LNPEP: variants seen among roughly 807,000 people sequenced by gnomAD.
LNPEP encodes leucyl and cystinyl aminopeptidase, also known as leucyl-cystinyl aminopeptidase.
A neutral mutation model predicts 120.6 loss-of-function variants in LNPEP; 64 were observed. That is an observed-to-expected ratio of 0.53 (90% CI 0.43 to 0.65). The LOEUF (loss-of-function observed/expected upper bound fraction) is 0.65. LNPEP is among the 30% of genes least tolerant of loss of function. The pLI, the probability that LNPEP is intolerant of heterozygous loss-of-function variation, is 0.00. For synonymous variants in LNPEP, 435 were observed against 425.4 expected (o/e 1.02, Z -0.28); for missense variants, 1,057 against 1,200.0 (o/e 0.88, Z 1.76).
intron 1 of LNPEP, among the ~76,000 whole-genome samples, chr5:96,975,624 T>C (rs1303494270): frequency 2.0e-5 from 3 of 152,126 alleles, no homozygotes; most frequent in Non-Finnish European, 4.4e-5. Context: ...TTTTTTTAAT[T>C]TTTAATCTGT....
chr5:96,942,021 G>T (rs944538555), intron 1 of LNPEP, among the ~76,000 whole-genome samples: 1 of 152,160 alleles, frequency 6.6e-6, no homozygotes, highest in Non-Finnish European at 1.5e-5. Context: ...AGGTAGGTAG[G>T]TCTGGTTGGA....
In LNPEP at chr5:97,033,306, G is replaced by A. The variant is rs759765963; in HGVS notation, c.*4773G>A. ...ATTTGAGGTGAGGGGGAGGGACGGG[G>A]AAGGTAGGAAAATGCACTTAATGTA... On this transcript the variant is annotated 3_prime_UTR_variant, in exon 18 of 18. Coordinates refer to ENST00000231368, the MANE Select transcript of LNPEP (RefSeq NM_005575.3). 1.3e-5 allele frequency: 2 copies of A among 152,140 alleles called. No homozygotes were observed. Among genetic ancestry groups the A allele is most frequent in the Non-Finnish European group, 2.9e-5 (2 of 68,028 alleles). The allele number at this position is 152,140 out of a possible 1,614,324, so 9.4% of individuals were successfully genotyped here.
At chr5:97,015,711 T>C (rs920639607) in intron 13 of LNPEP, among the ~76,000 whole-genome samples, 1 of 152,134 alleles carries the variant, frequency 6.6e-6, no homozygotes, top group Non-Finnish European at 1.5e-5. Context: ...TTTTATCTAA[T>C]TCTCTGAATC....
chr5:96,943,661 A>G (rs1789114171), intron 1 of LNPEP, among the ~76,000 whole-genome samples: 1 of 152,240 alleles, frequency 6.6e-6, no homozygotes, highest in South Asian at 2.1e-4. Flanking sequence ...CAATGAACCA[A>G]TTAATTTTTT....
intron 12 of LNPEP, 94 bp downstream of exon 12, chr5:97,013,925 T>G: frequency 1.1e-6 from 1 of 905,534 alleles, no homozygotes; most frequent in South Asian, 2.0e-5. Context: ...AGAACTAGCA[T>G]GTATTGGTTG....
chr5:97,022,301 C>T lies in LNPEP; in HGVS notation c.2378C>T (p.Thr793Ile), dbSNP rs1791221827. The T allele has an allele frequency of 3.2e-6, 5 of 1,568,162 alleles. No individual in the cohort carries two copies. In the East Asian group the frequency reaches 1.1e-4, roughly 35 times the overall value. The change falls in exon 14 of 18, where the codon ACT (threonine) becomes ATT (isoleucine). Residue 793 changes from threonine to isoleucine, a missense_variant and splice_region_variant. Physicochemically the swap from Thr to Ile is moderately conservative, Grantham distance 89. Coordinates refer to ENST00000231368, the MANE Select transcript of LNPEP (RefSeq NM_005575.3). ...GYMDLASRLV[T>I]RVFKLLQNQI... is the part of the protein sequence containing the mutation. ...TTATAATCTATTTTGTCTCTCTAGA[C>T]TAGGGTATTTAAATTACTTCAAAAC...
At chr5:97,021,971 G>T (rs1374752113) in intron 13 of LNPEP, among the ~76,000 whole-genome samples, 1 of 104,630 alleles carries the variant, frequency 9.6e-6, no homozygotes, top group African/African-American at 3.8e-5. Context: ...TTGCTCTGTT[G>T]CCCAGACTGG....
At chr5:97,010,493 T>C in intron 11 of LNPEP, 1 of 985,258 alleles carries the variant, frequency 1.0e-6, no homozygotes, top group Non-Finnish European at 1.2e-6. Flanking sequence ...TGAACAGGAG[T>C]GATAAAGTTC....
At chr5:97,013,901 A>G (rs1194232585) in intron 12 of LNPEP, 70 bp downstream of exon 12, 29 of 1,168,838 alleles carry the variant, frequency 2.5e-5, no homozygotes, top group Non-Finnish European at 4.8e-6. Flanking sequence ...AACATATATG[A>G]AAAACAGTTT....
At chr5:97,008,293 C>CTG (rs1790834315) in intron 11 of LNPEP, among the ~76,000 whole-genome samples, 1 of 125,176 alleles carries the variant, frequency 8.0e-6, no homozygotes, top group South Asian at 2.5e-4. Context: ...CTTTTATTAT[C>CTG]TGTTTTTTGT....
chr5:96,940,426 C>T (rs1789023727), intron 1 of LNPEP, among the ~76,000 whole-genome samples: 1 of 150,938 alleles, frequency 6.6e-6, no homozygotes, highest in Admixed American at 6.6e-5. Context: ...AGATTTTCTG[C>T]TAGACACAGT....
In LNPEP at chr5:97,036,709, T is replaced by C. The variant is rs1053589641; in HGVS notation, c.*8176T>C. 6.6e-6 allele frequency: 1 copy of C among 152,160 alleles called. No homozygotes were observed. Among genetic ancestry groups the C allele is most frequent in the Non-Finnish European group, 1.5e-5 (1 of 68,016 alleles). The allele number at this position is 152,160 out of a possible 1,614,324, so 9.4% of individuals were successfully genotyped here. On this transcript the variant is annotated 3_prime_UTR_variant, in exon 18 of 18. Coordinates refer to ENST00000231368, the MANE Select transcript of LNPEP (RefSeq NM_005575.3). The stretch of plus-strand genomic sequence containing the variant: ...TTACTATTTTGGAAACATTGAGTGA[T>C]AGAACTCCTAGAAAATTTGCAAAGA...
At chr5:96,950,792 G>A (rs986012571) in intron 1 of LNPEP, among the ~76,000 whole-genome samples, 10 of 152,072 alleles carry the variant, frequency 6.6e-5, no homozygotes, top group African/African-American at 2.2e-4. Flanking sequence ...TATTGTGTGC[G>A]GTACTATGAA....
Position 97,027,696 on chromosome 5 carries a change from G to C in LNPEP, c.2865-37G>C, listed in dbSNP as rs746997855. 5 of 1,281,692 alleles carry C rather than the reference G, an allele frequency of 3.9e-6. No individual in the cohort carries two copies. The South Asian group carries it at 6.0e-5, about 15-fold the overall frequency. 79.4% of individuals were successfully genotyped at this position (1,281,692 alleles called of 1,614,324 possible). A position where few individuals can be genotyped will look rare whatever the true frequency, so the allele number is the denominator to read the frequency against. ...CAGGAACAACGCTTTACCAGCAGCT[G>C]CCTAATCTTTTTGCTCTTGTTTTTG... is the stretch of plus-strand genomic sequence containing the variant. On this transcript the variant is annotated intron_variant, in intron 16 of 17. Coordinates refer to ENST00000231368, the MANE Select transcript of LNPEP (RefSeq NM_005575.3).
chr5:96,953,585 G>C (rs549338078), intron 1 of LNPEP, among the ~76,000 whole-genome samples: 1 of 152,326 alleles, frequency 6.6e-6, no homozygotes, highest in Non-Finnish European at 1.5e-5. Flanking sequence ...CTCCCTGCAT[G>C]TTGGCTTCCC....
intron 4 of LNPEP, among the ~76,000 whole-genome samples, chr5:96,990,120 A>G (rs1226626862): frequency 6.6e-6 from 1 of 152,246 alleles, no homozygotes; most frequent in Non-Finnish European, 1.5e-5. Context: ...GGTACAGCTA[A>G]TAAAGACTTG....
At chr5:97,026,120 ATAGCATTG>A (rs2112674229) in intron 15 of LNPEP, among the ~76,000 whole-genome samples, 1 of 152,336 alleles carries the variant, frequency 6.6e-6, no homozygotes, top group East Asian at 1.9e-4. Flanking sequence ...TACCTACTTT[ATAGCATTG>A]TTGTGTCAAG....
intron 7 of LNPEP, 33 bp downstream of exon 7, chr5:96,996,536 T>C: frequency 5.8e-6 from 6 of 1,036,640 alleles, no homozygotes; most frequent in Non-Finnish European, 9.1e-6. Context: ...CTACTATGAA[T>C]GCTAGGAGGA....
At chr5:96,964,076 C>CT (rs1290430724) in intron 1 of LNPEP, among the ~76,000 whole-genome samples, 5 of 151,828 alleles carry the variant, frequency 3.3e-5, no homozygotes, top group African/African-American at 4.8e-5. Flanking sequence ...TTGGTAACTA[C>CT]TGTTCTACTC....
Sources: allele counts gnomAD v4.1 joint callset (sites outside exome capture counted in the v4.1 genomes callset), GRCh38; gene constraint gnomAD v4.1.1; transcripts MANE v1.5; gene names NCBI Gene and HGNC (gene_info 2026-07-23, HGNC 2026-07-21).